The following CNTNAP4 variants were observed in gnomAD, a reference collection of about 807,000 sequenced individuals.
CNTNAP4 encodes the protein contactin associated protein family member 4, also known as contactin-associated protein-like 4.
A neutral mutation model predicts 148.4 loss-of-function variants in CNTNAP4; 98 were observed. That is an observed-to-expected ratio of 0.66 (90% CI 0.56 to 0.78). CNTNAP4 has a LOEUF of 0.78. CNTNAP4 is among the 30% of genes least tolerant of loss of function. CNTNAP4 has a pLI of 0.00. For synonymous variants in CNTNAP4, 730 were observed against 565.1 expected (o/e 1.29, Z -4.14); for missense variants, 1,935 against 1,565.6 (o/e 1.24, Z -3.98).
chr16:76,297,740 C>T (rs1402989993), intron 1 of CNTNAP4, among the ~76,000 whole-genome samples: 1 of 152,164 alleles, frequency 6.6e-6, no homozygotes, highest in Non-Finnish European at 1.5e-5. Context: ...AATCCTTCAG[C>T]ATGCTGTTTC....
intron 1 of CNTNAP4, among the ~76,000 whole-genome samples, chr16:76,307,941 A>G (rs939942922): frequency 3.9e-5 from 6 of 152,194 alleles, no homozygotes; most frequent in African/African-American, 9.7e-5. Context: ...TTAGGTCAAT[A>G]ACATCACAGA....
Position 76,553,406 on chromosome 16 carries a change from ACCCT to A in CNTNAP4, c.3567_3570del (p.Asp1189GlufsTer8). 1 of 1,612,474 alleles carries A rather than the reference ACCCT, an allele frequency of 6.2e-7. No individual in the cohort carries two copies. The highest frequency in any genetic ancestry group is 8.5e-7 in the Non-Finnish European group (1 of 1,179,272). ...GCAGCTCTGCACCCCAGCCACCCAG[ACCCT>A]GTCACTGTTACAGGACACGTGACTG... On this transcript the variant is annotated frameshift_variant, in exon 22 of 24. Coordinates refer to ENST00000611870, the MANE Select transcript of CNTNAP4 (RefSeq NM_033401.5). LOFTEE classifies it high-confidence loss of function.
At position 76,470,574 on chromosome 16, in the gene CNTNAP4, C is replaced by A. The variant is rs187650712; in HGVS notation, c.1655+3051C>A. ...CTGAGGCAGGAGAATCGCTTGAACCCGGGAGACGAAGGTTGCAGTGAGCCA... is the reference window on the plus strand; with the variant it reads ...CTGAGGCAGGAGAATCGCTTGAACCAGGGAGACGAAGGTTGCAGTGAGCCA... On this transcript the variant is annotated intron_variant, in intron 10 of 23. Transcript: ENST00000611870. Among the ~76,000 whole-genome samples the A allele has an allele frequency of 1.2e-3, 176 of 149,392 alleles. 1 individual carries two copies. Among genetic ancestry groups the A allele is most frequent in the African/African-American group, 4.2e-3 (166 of 39,666 alleles).
At chr16:76,463,578 T>C (rs2081064437) in intron 9 of CNTNAP4, among the ~76,000 whole-genome samples, 1 of 152,224 alleles carries the variant, frequency 6.6e-6, no homozygotes, top group Non-Finnish European at 1.5e-5. Flanking sequence ...GTTTTAGATT[T>C]ACAGAAAAGT....
chr16:76,330,680 T>C (rs979336080), intron 2 of CNTNAP4, among the ~76,000 whole-genome samples: 5 of 152,236 alleles, frequency 3.3e-5, no homozygotes, highest in African/African-American at 7.2e-5. Flanking sequence ...CTTTGCTTAA[T>C]TTGTGTGCTA....
intron 3 of CNTNAP4, among the ~76,000 whole-genome samples, chr16:76,358,171 T>A (rs913705927): frequency 6.6e-6 from 1 of 152,056 alleles, no homozygotes; most frequent in African/African-American, 2.4e-5. Context: ...TGGTCGCTAC[T>A]AAAAATACAA....
chr16:76,517,221 G>A (rs2083285155), intron 15 of CNTNAP4, among the ~76,000 whole-genome samples: 1 of 152,132 alleles, frequency 6.6e-6, no homozygotes, highest in South Asian at 2.1e-4. Context: ...AAGGAGGGAG[G>A]AAAGCGGTTT....
At chr16:76,521,431 T>G (rs1452642277) in intron 16 of CNTNAP4, 121 bp downstream of exon 16, 7 of 722,780 alleles carry the variant, frequency 9.7e-6, no homozygotes, top group African/African-American at 1.8e-5. Flanking sequence ...TGCGCCCCTT[T>G]GAAAAACTCA....
At chr16:76,345,272 G>C (rs192074189) in intron 2 of CNTNAP4, among the ~76,000 whole-genome samples, 6 of 152,286 alleles carry the variant, frequency 3.9e-5, no homozygotes, top group Admixed American at 3.3e-4. Context: ...TCACTTCTAG[G>C]CAGTGCTCTT....
intron 10 of CNTNAP4, 149 bp downstream of exon 10, chr16:76,467,672 A>G (rs955364791): frequency 4.6e-5 from 35 of 753,294 alleles, no homozygotes; most frequent in Non-Finnish European, 2.0e-6. Context: ...AAATAAGAAA[A>G]AATGCACCCT....
rs138047473 is a variant in CNTNAP4 at position 76,409,494 on chromosome 16, G to A, written c.391-17958G>A. ...AACTGCGTTGAAATAGAAACAATAT[G>A]GATATTTAGGAACTTCTGGTTGCTG... On this transcript the variant is annotated intron_variant, in intron 3 of 23. Coordinates refer to ENST00000611870, the MANE Select transcript of CNTNAP4 (RefSeq NM_033401.5). 1.7e-3 allele frequency among the ~76,000 whole-genome samples: 261 copies of A among 151,964 alleles called. 1 individual carries two copies. Among genetic ancestry groups the A allele is most frequent in the African/African-American group, 6.0e-3 (251 of 41,498 alleles).
At chr16:76,293,835 T>TAAAAAA (rs201927804) in intron 1 of CNTNAP4, among the ~76,000 whole-genome samples, 51 of 146,090 alleles carry the variant, frequency 3.5e-4, no homozygotes, top group African/African-American at 1.2e-3. Context: ...TTTTTTTTTT[T>TAAAAAA]AAAAAAAAGG....
At chr16:76,391,051 T>G (rs1257923827) in intron 3 of CNTNAP4, among the ~76,000 whole-genome samples, 2 of 152,096 alleles carry the variant, frequency 1.3e-5, no homozygotes, top group Admixed American at 1.3e-4. Flanking sequence ...ATATATACAG[T>G]TATTATTGAC....
intron 1 of CNTNAP4, among the ~76,000 whole-genome samples, chr16:76,310,657 A>C (rs1217295377): frequency 1.3e-5 from 2 of 152,160 alleles, no homozygotes; most frequent in Non-Finnish European, 2.9e-5. Context: ...TATTTATTCT[A>C]GTCTGTTCTG....
At chr16:76,520,846 C>T (rs540318332) in intron 15 of CNTNAP4, among the ~76,000 whole-genome samples, 1 of 152,212 alleles carries the variant, frequency 6.6e-6, no homozygotes, top group East Asian at 1.9e-4. Flanking sequence ...GGAGGATATA[C>T]TATTGAGGCT....
At chr16:76,529,744 T>C (rs2083890587) in intron 17 of CNTNAP4, among the ~76,000 whole-genome samples, 1 of 152,218 alleles carries the variant, frequency 6.6e-6, no homozygotes, top group Non-Finnish European at 1.5e-5. Context: ...TAAATATTTA[T>C]CGACTTTTTA....
chr16:76,349,157 CCTT>C lies in CNTNAP4; in HGVS notation c.197-6158_197-6156del, dbSNP rs1965165905. On this transcript the variant is annotated intron_variant, in intron 2 of 23. Transcript: ENST00000611870. ...TGATCTCACTTCATTTCTCAACTCT[CCTT>C]CTCTCTCTTTTGGCCTCACTCAGAC... Among the ~76,000 whole-genome samples the C allele has an allele frequency of 2.6e-5, 4 of 152,080 alleles. No individual in the cohort carries two copies. In the South Asian group the frequency reaches 8.3e-4, roughly 32 times the overall value.
intron 2 of CNTNAP4, among the ~76,000 whole-genome samples, chr16:76,342,831 T>A (rs1295138987): frequency 6.6e-6 from 1 of 152,340 alleles, no homozygotes; most frequent in Admixed American, 6.5e-5. Flanking sequence ...GGTTACAAAT[T>A]TTCAGAAAAC....
At chr16:76,541,138 TTCCTC>T (rs1432801130) in intron 21 of CNTNAP4, among the ~76,000 whole-genome samples, 2 of 152,190 alleles carry the variant, frequency 1.3e-5, no homozygotes, top group African/African-American at 2.4e-5. Context: ...TATACAAACT[TTCCTC>T]TAATGATAAA....
Sources: allele counts gnomAD v4.1 joint callset (sites outside exome capture counted in the v4.1 genomes callset), GRCh38; gene constraint gnomAD v4.1.1; transcripts MANE v1.5; gene names NCBI Gene and HGNC (gene_info 2026-07-23, HGNC 2026-07-21).